The following LUZP2 variants were observed in gnomAD, a reference collection of about 807,000 sequenced individuals.
LUZP2 encodes the protein leucine zipper protein 2.
Under a neutral mutation model 51.6 loss-of-function variants are expected in LUZP2, and 52 were observed. That is an observed-to-expected ratio of 1.01 (90% confidence interval 0.81 to 1.27). The LOEUF (loss-of-function observed/expected upper bound fraction) is 1.27, where lower values mean the gene tolerates loss of function less well. LUZP2 is among the 50% of genes most tolerant of loss of function. The pLI, the probability that LUZP2 is intolerant of heterozygous loss-of-function variation, is 0.00. For synonymous variants in LUZP2, 154 were observed against 137.3 expected, an observed-to-expected ratio of 1.12 and a Z score of -0.85; for missense variants, 436 against 395.4, an observed-to-expected ratio of 1.10 and a Z score of -0.87.
intron 1 of LUZP2, among the ~76,000 whole-genome samples, chr11:24,644,488 CTCTT>C (rs1855405842): frequency 6.6e-6 from 1 of 151,726 alleles, no homozygotes; most frequent in African/African-American, 2.4e-5. Flanking sequence ...TTTCCAACCT[CTCTT>C]TTTTTTTTTT....
chr11:24,850,712 A>C (rs997807809), intron 5 of LUZP2, among the ~76,000 whole-genome samples: 1 of 152,070 alleles, frequency 6.6e-6, no homozygotes, highest in African/African-American at 2.4e-5. Flanking sequence ...ACTTTGGGCC[A>C]TATGTCCATT....
chr11:24,875,685 T>C (rs1852233599), intron 5 of LUZP2, among the ~76,000 whole-genome samples: 1 of 150,786 alleles, frequency 6.6e-6, no homozygotes, highest in African/African-American at 2.4e-5. Flanking sequence ...CACACTGACT[T>C]CCACAATGGT....
At chr11:24,639,221 G>T (rs1381540040) in intron 1 of LUZP2, among the ~76,000 whole-genome samples, 2 of 151,444 alleles carry the variant, frequency 1.3e-5, no homozygotes, top group East Asian at 3.9e-4. Context: ...TCTTAATTTT[G>T]CATTTTACAT....
At chr11:25,053,719 TA>T (rs1858593898) in intron 10 of LUZP2, among the ~76,000 whole-genome samples, 1 of 152,182 alleles carries the variant, frequency 6.6e-6, no homozygotes, top group Admixed American at 6.5e-5. Context: ...GGATTATTTT[TA>T]ATTTGTAGCT....
chr11:25,007,506 G>A (rs1265467284), intron 9 of LUZP2, among the ~76,000 whole-genome samples: 7 of 152,138 alleles, frequency 4.6e-5, no homozygotes, highest in Non-Finnish European at 8.8e-5. Context: ...AGGAGGCTGA[G>A]GTAGGAGAAT....
At chr11:24,861,531 C>A (rs1474058432) in intron 5 of LUZP2, among the ~76,000 whole-genome samples, 11 of 152,040 alleles carry the variant, frequency 7.2e-5, no homozygotes, top group African/African-American at 2.4e-4. Context: ...CCACAAAATG[C>A]CCAACCCCAA....
chr11:24,685,345 G>C (rs1856866424), intron 1 of LUZP2, among the ~76,000 whole-genome samples: 1 of 152,024 alleles, frequency 6.6e-6, no homozygotes, highest in African/African-American at 2.4e-5. Context: ...AAAAACCAAC[G>C]TTAAAGTCCT....
chr11:24,886,995 A>G (rs10834527), intron 5 of LUZP2, among the ~76,000 whole-genome samples: 73,682 of 151,860 alleles, frequency 0.49, 18,349 homozygotes, highest in East Asian at 0.69. Context: ...TGAATGTCCT[A>G]ATGCCTATTT....
At chr11:24,692,680 T>C (rs1857113492) in intron 1 of LUZP2, among the ~76,000 whole-genome samples, 1 of 152,084 alleles carries the variant, frequency 6.6e-6, no homozygotes, top group African/African-American at 2.4e-5. Context: ...TTCAGCCACA[T>C]ATTGTGCCAT....
intron 5 of LUZP2, among the ~76,000 whole-genome samples, chr11:24,807,024 C>CAA (rs34565471): frequency 0.13 from 14,279 of 110,146 alleles, 1,290 homozygotes; most frequent in Non-Finnish European, 0.17. Context: ...GAAAATCCAC[C>CAA]AAAAAAAAAA....
rs150455105 is a variant in LUZP2, at chr11:24,890,854, A to G, written c.397-15137A>G. 7.6e-6 allele frequency: 7 copies of G among 924,212 alleles called. No individual in the cohort carries two copies. The South Asian group carries it at 2.5e-4, about 33-fold the overall frequency. The allele number at this position is 924,212 out of a possible 1,614,324, so 57.3% of individuals were successfully genotyped here. A position where few individuals can be genotyped will look rare whatever the true frequency, so the allele number is the denominator to read the frequency against. ...TTCTAAAATCACATATAGAAAAAAT[A>G]TAAAGCATTTTAGGGCCATTTACAG... On this transcript the variant is annotated intron_variant, in intron 5 of 11. Transcript: ENST00000336930.
chr11:24,745,821 G>A (rs1859359899), intron 4 of LUZP2, among the ~76,000 whole-genome samples: 1 of 152,092 alleles, frequency 6.6e-6, no homozygotes, highest in Admixed American at 6.6e-5. Flanking sequence ...AGGATTACAG[G>A]CACAAGTCAC....
intron 1 of LUZP2, among the ~76,000 whole-genome samples, chr11:24,629,594 G>A (rs76158503): frequency 0.2 from 29,626 of 145,260 alleles, 3,196 homozygotes; most frequent in Middle Eastern, 0.3. Flanking sequence ...CTAACCATCC[G>A]TTGATGAACA....
chr11:25,053,463 T>G (rs1858585667), intron 10 of LUZP2, among the ~76,000 whole-genome samples: 3 of 151,964 alleles, frequency 2.0e-5, no homozygotes, highest in African/African-American at 7.2e-5. Context: ...TATGTTTCAA[T>G]CATTCATCCC....
At chr11:24,918,794 T>C (rs1853891904) in intron 7 of LUZP2, among the ~76,000 whole-genome samples, 3 of 148,274 alleles carry the variant, frequency 2.0e-5, no homozygotes, top group South Asian at 2.1e-4. Context: ...GTATGAATTA[T>C]ATCTGCCTGG....
chr11:24,602,350 A>G lies in LUZP2; in HGVS notation c.62+105045A>G, dbSNP rs377453070. Among the ~76,000 whole-genome samples the G allele has an allele frequency of 2.7e-4, 24 of 88,226 alleles. No individual in the cohort carries two copies. The East Asian group carries it at 3.2e-3, about 12-fold the overall frequency. The allele number at this position is 88,226 out of a possible 152,430, so 57.9% of individuals were successfully genotyped here. Reference sequence around the variant, plus strand: ...CACATATATATACATATATATGTATAAATCTCTTTTAAAGTGTGTGTGTGT... The same window carrying G: ...CACATATATATACATATATATGTATGAATCTCTTTTAAAGTGTGTGTGTGT... On this transcript the variant is annotated intron_variant, in intron 1 of 11. Coordinates refer to ENST00000336930, the MANE Select transcript of LUZP2 (RefSeq NM_001009909.4).
chr11:25,011,066 G>T (rs898596571), intron 9 of LUZP2, among the ~76,000 whole-genome samples: 1 of 152,036 alleles, frequency 6.6e-6, no homozygotes, highest in Non-Finnish European at 1.5e-5. Flanking sequence ...TCATCAAATG[G>T]GCACATCATA....
chr11:24,839,653 A>C (rs146853035), intron 5 of LUZP2, among the ~76,000 whole-genome samples: 1 of 151,802 alleles, frequency 6.6e-6, no homozygotes, highest in Admixed American at 6.6e-5. Context: ...CTTCATGGGC[A>C]TCTTACTGTT....
At chr11:24,620,571 T>C (rs1300851522) in intron 1 of LUZP2, among the ~76,000 whole-genome samples, 1 of 152,228 alleles carries the variant, frequency 6.6e-6, no homozygotes, top group Non-Finnish European at 1.5e-5. Context: ...GCAAAAGTGC[T>C]TGGAAAATGT....
Sources: gnomAD v4.1 joint callset for allele counts (sites outside exome capture counted in the v4.1 genomes callset) on GRCh38, gnomAD v4.1.1 for gene constraint, MANE v1.5 for transcripts, NCBI Gene and HGNC (gene_info 2026-07-23, HGNC 2026-07-21) for gene names.